Variants in NCAM2 observed in about 807,000 individuals in gnomAD.
The protein encoded by NCAM2 is N-CAM-2.
Under a neutral mutation model 98.1 loss-of-function variants are expected in NCAM2, and 30 were observed. The ratio of observed to expected loss-of-function variants is 0.31; its 90% CI spans 0.23 to 0.41. NCAM2 has a LOEUF of 0.41. Among genes scored for constraint, NCAM2 ranks in the 10% least tolerant of loss-of-function variants. NCAM2 has a pLI of 1.00. For synonymous variants in NCAM2, 368 were observed against 342.4 expected (o/e 1.07, Z -0.83); for missense variants, 867 against 1,005.8 (o/e 0.86, Z 1.87).
intron 1 of NCAM2, among the ~76,000 whole-genome samples, chr21:21,072,582 G>A (rs1161242913): frequency 1.3e-5 from 2 of 151,914 alleles, no homozygotes; most frequent in African/African-American, 4.8e-5. Context: ...TTGCTGGTAG[G>A]GATATTACCA....
intron 11 of NCAM2, among the ~76,000 whole-genome samples, chr21:21,428,754 T>C (rs2146008250): frequency 6.6e-6 from 1 of 152,236 alleles, no homozygotes; most frequent in South Asian, 2.1e-4. Flanking sequence ...TACAGAAAAA[T>C]CCAGAAAGTG....
At chr21:21,506,538 T>C (rs1212363667) in intron 15 of NCAM2, among the ~76,000 whole-genome samples, 1 of 152,120 alleles carries the variant, frequency 6.6e-6, no homozygotes. Flanking sequence ...CATAGAGATA[T>C]ACCTTTGAAA....
chr21:21,100,913 C>T (rs1373579965), intron 1 of NCAM2, among the ~76,000 whole-genome samples: 1 of 151,962 alleles, frequency 6.6e-6, no homozygotes, highest in Non-Finnish European at 1.5e-5. Flanking sequence ...TCCTAGTATC[C>T]AGTTTCTAGA....
intron 8 of NCAM2, among the ~76,000 whole-genome samples, chr21:21,355,806 A>C (rs910955518): frequency 6.6e-6 from 1 of 151,660 alleles, no homozygotes; most frequent in Non-Finnish European, 1.5e-5. Flanking sequence ...AGTAGAGACC[A>C]GCATGTTGGC....
At chr21:21,108,428 G>T (rs143502179) in intron 1 of NCAM2, among the ~76,000 whole-genome samples, 43 of 152,180 alleles carry the variant, frequency 2.8e-4, no homozygotes, top group African/African-American at 1.0e-3. Flanking sequence ...TACTGAAGCT[G>T]TCACACTACC....
In NCAM2 at chr21:21,185,718, A is replaced by G. The variant is rs150069379; in HGVS notation, c.56-94860A>G. Among the ~76,000 whole-genome samples the G allele has an allele frequency of 4.5e-4, 68 of 152,254 alleles. No individual in the cohort carries two copies. The East Asian group carries it at 0.012, about 26-fold the overall frequency. On this transcript the variant is annotated intron_variant, in intron 1 of 17. Transcript: ENST00000400546. ...TAAAAATAGCCCCAAATTGGAAACTATGTGACTGCCAATCAGTATTAAAGT... is the reference window on the plus strand; with the variant it reads ...TAAAAATAGCCCCAAATTGGAAACTGTGTGACTGCCAATCAGTATTAAAGT...
intron 1 of NCAM2, among the ~76,000 whole-genome samples, chr21:21,165,632 A>G (rs995972749): frequency 3.3e-5 from 5 of 152,226 alleles, no homozygotes; most frequent in African/African-American, 1.2e-4. Flanking sequence ...CTCATTTTTT[A>G]CCTATTCCAC....
intron 1 of NCAM2, among the ~76,000 whole-genome samples, chr21:21,234,378 CTTAGT>C (rs2070740217): frequency 6.6e-6 from 1 of 151,708 alleles, no homozygotes; most frequent in Non-Finnish European, 1.5e-5. Flanking sequence ...ATGCATCTTG[CTTAGT>C]TTAAAGACAG....
At chr21:21,141,021 C>T (rs1362102322) in intron 1 of NCAM2, among the ~76,000 whole-genome samples, 1 of 152,110 alleles carries the variant, frequency 6.6e-6, no homozygotes, top group Non-Finnish European at 1.5e-5. Context: ...GTCCAGGAGG[C>T]AAAGACTCTC....
intron 1 of NCAM2, among the ~76,000 whole-genome samples, chr21:21,094,695 T>A (rs1376038843): frequency 6.6e-6 from 1 of 151,770 alleles, no homozygotes; most frequent in Non-Finnish European, 1.5e-5. Flanking sequence ...AAAAATCATG[T>A]ATATTTACAG....
At chr21:21,088,970 C>CAAGAA (rs769220357) in intron 1 of NCAM2, among the ~76,000 whole-genome samples, 106 of 138,830 alleles carry the variant, frequency 7.6e-4, no homozygotes, top group Middle Eastern at 3.7e-3. Context: ...AACTCTGTCT[C>CAAGAA]AAAAAAAAAA....
At chr21:21,085,964 CTATG>C (rs1474124410) in intron 1 of NCAM2, among the ~76,000 whole-genome samples, 3 of 152,098 alleles carry the variant, frequency 2.0e-5, no homozygotes, top group African/African-American at 7.2e-5. Flanking sequence ...ACTGCAGAAA[CTATG>C]TAAGTCTTTC....
chr21:21,350,978 G>A (rs1396463551), intron 8 of NCAM2, among the ~76,000 whole-genome samples: 3 of 150,014 alleles, frequency 2.0e-5, no homozygotes, highest in Non-Finnish European at 4.4e-5. Flanking sequence ...TTAGCCAGGC[G>A]TGGTGGCGGG....
chr21:21,460,688 G>T (rs8128548), intron 12 of NCAM2, among the ~76,000 whole-genome samples: 67,040 of 151,644 alleles, frequency 0.44, 16,274 homozygotes, highest in East Asian at 0.96. Context: ...GTGTAGGCTA[G>T]ATGAGGGCTG....
At chr21:21,395,270 G>A (rs1040701519) in intron 9 of NCAM2, among the ~76,000 whole-genome samples, 2 of 152,116 alleles carry the variant, frequency 1.3e-5, no homozygotes, top group African/African-American at 4.8e-5. Flanking sequence ...GGAAGCAGAG[G>A]TGACAATGAG....
intron 1 of NCAM2, among the ~76,000 whole-genome samples, chr21:21,180,363 C>A (rs2068431598): frequency 6.6e-6 from 1 of 152,128 alleles, no homozygotes; most frequent in African/African-American, 2.4e-5. Flanking sequence ...GTTTGAGTTC[C>A]TTATATATTT....
chr21:21,190,043 A>T (rs1159181665), intron 1 of NCAM2, among the ~76,000 whole-genome samples: 1 of 152,208 alleles, frequency 6.6e-6, no homozygotes, highest in Non-Finnish European at 1.5e-5. Context: ...TCTGCATTAT[A>T]TCCAAGAGAA....
intron 1 of NCAM2, among the ~76,000 whole-genome samples, chr21:21,020,684 C>G (rs2064415593): frequency 6.6e-6 from 1 of 152,190 alleles, no homozygotes; most frequent in Non-Finnish European, 1.5e-5. Context: ...CCTGTGTTAC[C>G]AGGTTTCCTG....
chr21:21,258,756 T>A (rs1264791939), intron 1 of NCAM2, among the ~76,000 whole-genome samples: 2 of 152,060 alleles, frequency 1.3e-5, no homozygotes, highest in Non-Finnish European at 2.9e-5. Context: ...CTTGAGTCCC[T>A]GCACCTTTAA....
Sources: gnomAD v4.1 joint callset for allele counts (sites outside exome capture counted in the v4.1 genomes callset) on GRCh38, gnomAD v4.1.1 for gene constraint, MANE v1.5 for transcripts, NCBI Gene and HGNC (gene_info 2026-07-23, HGNC 2026-07-21) for gene names.